ABCC4: variants seen among roughly 807,000 people sequenced by gnomAD.
The protein encoded by ABCC4 is ATP-binding cassette sub-family C member 4.
Under a neutral mutation model 168.5 loss-of-function variants are expected in ABCC4, and 102 were observed. That is an observed-to-expected ratio of 0.61 (90% CI 0.52 to 0.71). ABCC4 has a LOEUF of 0.71. Among genes scored for constraint, ABCC4 ranks in the 30% least tolerant of loss-of-function variants. The pLI, the probability that ABCC4 is intolerant of heterozygous loss-of-function variation, is 0.00. For synonymous variants in ABCC4, 617 were observed against 590.7 expected, an observed-to-expected ratio of 1.04 and a Z score of -0.65; for missense variants, 1,402 against 1,605.8, an observed-to-expected ratio of 0.87 and a Z score of 2.17.
At chr13:95,075,630 G>A (rs185238832) in intron 21 of ABCC4, 79 bp from the exon 22 acceptor site, 106 of 1,585,012 alleles carry the variant, frequency 6.7e-5, no homozygotes, top group Middle Eastern at 3.9e-4. Context: ...CCATGGTCAC[G>A]TATCCACCAA....
chr13:95,210,718 A>G lies in ABCC4; in HGVS notation c.595T>C (p.Ser199Pro). Residue 199 changes from serine to proline, a missense_variant, in exon 5 of 31, where the codon TCC (serine) becomes CCC (proline). By Grantham distance (74) the Ser-to-Pro change is moderately conservative. This residue lies in a region of ABCC4 where 317 missense variants were observed against 345.5 expected (regional missense o/e 0.92). Coordinates refer to ENST00000645237, the MANE Select transcript of ABCC4 (RefSeq NM_005845.5). The stretch of plus-strand genomic sequence containing the variant: ...TGATCAAACTTGTTCACATCATTGG[A>G]CAGCAGATTGACTATCTGGCCTGTG... ...TTTGQIVNLL[S>P]NDVNKFDQVT... 2 of 1,614,204 alleles carry G rather than the reference A, an allele frequency of 1.2e-6. No individual in the cohort carries two copies. Among genetic ancestry groups the G allele is most frequent in the South Asian group, 2.2e-5 (2 of 91,082 alleles).
At chr13:95,157,088 C>CCACACACACACACACACACACA (rs67671921) in intron 19 of ABCC4, among the ~76,000 whole-genome samples, 35 of 134,616 alleles carry the variant, frequency 2.6e-4, no homozygotes, top group African/African-American at 1.0e-3. Context: ...TGAGACTCTA[C>CCACACACACACACACACACACA]CACACACACA....
chr13:95,229,023 G>A (rs1405617570), intron 4 of ABCC4, among the ~76,000 whole-genome samples: 2 of 152,150 alleles, frequency 1.3e-5, no homozygotes, highest in African/African-American at 2.4e-5. Flanking sequence ...GAGCATCCAA[G>A]AGAATATATA....
At chr13:95,295,325 G>C (rs1433015768) in intron 1 of ABCC4, among the ~76,000 whole-genome samples, 4 of 151,636 alleles carry the variant, frequency 2.6e-5, no homozygotes, top group Admixed American at 6.6e-5. Flanking sequence ...AGACCAACAT[G>C]GGCAACACAG....
intron 19 of ABCC4, among the ~76,000 whole-genome samples, chr13:95,144,410 C>G (rs2036420049): frequency 6.6e-6 from 1 of 151,948 alleles, no homozygotes; most frequent in South Asian, 2.1e-4. Context: ...AACAATCAAG[C>G]AAGAAAAAGA....
At chr13:95,058,594 A>AAAACAAAAAAAAG (rs2033163283) in intron 26 of ABCC4, among the ~76,000 whole-genome samples, 1 of 41,422 alleles carries the variant, frequency 2.4e-5, no homozygotes, top group Non-Finnish European at 4.3e-5. Context: ...AAAAAAAAAG[A>AAAACAAAAAAAAG]AAAGAAAAAG....
At chr13:95,082,322 G>A (rs1402520461) in intron 21 of ABCC4, among the ~76,000 whole-genome samples, 1 of 152,154 alleles carries the variant, frequency 6.6e-6, no homozygotes, top group African/African-American at 2.4e-5. Flanking sequence ...ATAATGAGAT[G>A]AACTCTGGAT....
chr13:95,269,359 G>T, intron 1 of ABCC4: 1 of 454,448 alleles, frequency 2.2e-6, no homozygotes, highest in Non-Finnish European at 4.4e-6. Flanking sequence ...ACAGGAGGTG[G>T]AGGCTGCAGT....
Position 95,043,692 on chromosome 13 carries a change from T to C in ABCC4, c.3725A>G (p.Asp1242Gly). ...AHRLNTIIDS[D>G]KIMVLDSGRL... is the part of the protein sequence containing the mutation. The stretch of plus-strand genomic sequence containing the variant: ...AGGTGAAGGACTCACCATTATCTTG[T>C]CGCTGTCAATAATGGTGTTCAATCT... Residue 1242 changes from aspartate (D) to glycine (G), a missense_variant, in exon 29 of 31, where the codon GAC (aspartate) becomes GGC (glycine). This residue lies in a region of ABCC4 where 1,007 missense variants were observed against 1,127.3 expected (regional missense o/e 0.89). Transcript: ENST00000645237. 6.2e-7 allele frequency: 1 copy of C among 1,611,448 alleles called. No individual in the cohort carries two copies. Among genetic ancestry groups the C allele is most frequent in the Non-Finnish European group, 8.5e-7 (1 of 1,177,960 alleles).
At chr13:95,211,021 T>C (rs1275626221) in intron 4 of ABCC4, among the ~76,000 whole-genome samples, 1 of 152,036 alleles carries the variant, frequency 6.6e-6, no homozygotes, top group African/African-American at 2.4e-5. Flanking sequence ...TTAATGAATT[T>C]GGACACGCCC....
intron 1 of ABCC4, among the ~76,000 whole-genome samples, chr13:95,274,531 A>G (rs1383284519): frequency 1.3e-5 from 2 of 152,166 alleles, no homozygotes; most frequent in African/African-American, 4.8e-5. Flanking sequence ...AAACTAGCCA[A>G]TTCTAAACTG....
intron 1 of ABCC4, among the ~76,000 whole-genome samples, chr13:95,254,438 T>A (rs2040344752): frequency 6.6e-6 from 1 of 152,136 alleles, no homozygotes; most frequent in Non-Finnish European, 1.5e-5. Flanking sequence ...CAACTGCTGA[T>A]TCAACACCTC....
intron 4 of ABCC4, among the ~76,000 whole-genome samples, chr13:95,232,457 T>G (rs2039650152): frequency 6.6e-6 from 1 of 151,986 alleles, no homozygotes; most frequent in African/African-American, 2.4e-5. Flanking sequence ...GACGGGCAGA[T>G]CACAAGGTCA....
At chr13:95,206,003 G>C (rs1170633594) in intron 8 of ABCC4, among the ~76,000 whole-genome samples, 1 of 152,198 alleles carries the variant, frequency 6.6e-6, no homozygotes, top group East Asian at 1.9e-4. Flanking sequence ...GGACAGGAAA[G>C]AAATGGCAGA....
intron 13 of ABCC4, among the ~76,000 whole-genome samples, chr13:95,172,182 C>T (rs2037499958): frequency 1.3e-5 from 2 of 152,264 alleles, no homozygotes; most frequent in East Asian, 1.9e-4. Context: ...TCAAAAAATA[C>T]TTTCCAAATT....
chr13:95,188,877 C>T (rs569185209), intron 9 of ABCC4, among the ~76,000 whole-genome samples: 1 of 151,966 alleles, frequency 6.6e-6, no homozygotes, highest in African/African-American at 2.4e-5. Context: ...CTTACTAAAA[C>T]AATATATATA....
chr13:95,240,166 A>G (rs2039892417), intron 3 of ABCC4, among the ~76,000 whole-genome samples: 2 of 152,218 alleles, frequency 1.3e-5, no homozygotes, highest in Admixed American at 1.3e-4. Flanking sequence ...GAGGGTCACA[A>G]GAGGGGAGGA....
chr13:95,220,978 T>C (rs1244011631), intron 4 of ABCC4, among the ~76,000 whole-genome samples: 6 of 152,188 alleles, frequency 3.9e-5, no homozygotes, highest in Non-Finnish European at 8.8e-5. Flanking sequence ...AGCACCACAG[T>C]TGAGGATCAG....
chr13:95,034,376 C>T (rs561137702), intron 30 of ABCC4, among the ~76,000 whole-genome samples: 3 of 152,224 alleles, frequency 2.0e-5, no homozygotes, highest in Non-Finnish European at 4.4e-5. Context: ...ACGGCATGCA[C>T]ACATGTGTGC....
Sources: allele counts gnomAD v4.1 joint callset (sites outside exome capture counted in the v4.1 genomes callset), GRCh38; gene constraint gnomAD v4.1.1; regional missense constraint gnomAD v4.1.1; transcripts MANE v1.5; gene names NCBI Gene and HGNC (gene_info 2026-07-23, HGNC 2026-07-21).